The following DPYD variants were observed in gnomAD, a reference collection of about 807,000 sequenced individuals.
DPYD encodes dihydropyrimidine dehydrogenase [NADP(+)].
DPYD carries 109 observed loss-of-function variants against 116.2 expected under a neutral mutation model. The observed-to-expected ratio is 0.94, with a 90% CI of 0.80 to 1.10. The LOEUF is 1.10. DPYD is among the 50% of genes least tolerant of loss of function. The pLI is 0.00. For missense variants in DPYD, 1,302 were observed against 1,254.5 expected (o/e 1.04, Z -0.57); for synonymous variants, 440 against 432.0 (o/e 1.02, Z -0.23).
At chr1:97,758,060 G>C (rs1451802707) in intron 3 of DPYD, among the ~76,000 whole-genome samples, 1 of 152,032 alleles carries the variant, frequency 6.6e-6, no homozygotes, top group African/African-American at 2.4e-5. Flanking sequence ...TTCAGTCATA[G>C]GGCAATCAAA....
At chr1:97,885,149 C>T (rs949214620) in intron 1 of DPYD, among the ~76,000 whole-genome samples, 3 of 151,912 alleles carry the variant, frequency 2.0e-5, no homozygotes, top group African/African-American at 2.4e-5. Flanking sequence ...GAATGCAATT[C>T]CTACTAGATT....
At chr1:97,306,388 A>C in intron 16 of DPYD, 91 bp from the exon 17 acceptor site, 1 of 1,538,096 alleles carries the variant, frequency 6.5e-7, no homozygotes, top group East Asian at 2.3e-5. Flanking sequence ...GAGACGTGCA[A>C]GACAAATCCA....
intron 13 of DPYD, among the ~76,000 whole-genome samples, chr1:97,495,126 T>C (rs1679191543): frequency 6.6e-6 from 1 of 152,168 alleles, no homozygotes; most frequent in South Asian, 2.1e-4. Flanking sequence ...GCTTCTGTTA[T>C]TGTGTCTCCT....
At chr1:97,552,233 A>G (rs1651377006) in intron 11 of DPYD, among the ~76,000 whole-genome samples, 1 of 152,128 alleles carries the variant, frequency 6.6e-6, no homozygotes, top group Non-Finnish European at 1.5e-5. Context: ...CAGGCCTCAT[A>G]AAATTTGAAT....
At chr1:97,294,784 C>T (rs1033060759) in intron 18 of DPYD, among the ~76,000 whole-genome samples, 9 of 152,142 alleles carry the variant, frequency 5.9e-5, no homozygotes, top group African/African-American at 2.2e-4. Context: ...CTGAATGATG[C>T]CTCTCATTTT....
intron 1 of DPYD, chr1:97,883,803 G>T (rs747935763): frequency 4.5e-6 from 2 of 439,758 alleles, no homozygotes; most frequent in Admixed American, 3.0e-5. Context: ...CCTAAAGAAA[G>T]GGTTAGCCAG....
chr1:97,132,634 C>T (rs1653426202), intron 20 of DPYD, among the ~76,000 whole-genome samples: 1 of 152,062 alleles, frequency 6.6e-6, no homozygotes, highest in South Asian at 2.1e-4. Flanking sequence ...CTTCTTCCAT[C>T]TTTTTCATGT....
At chr1:97,775,535 T>C (rs919166060) in intron 3 of DPYD, among the ~76,000 whole-genome samples, 7 of 152,180 alleles carry the variant, frequency 4.6e-5, no homozygotes, top group African/African-American at 1.7e-4. Flanking sequence ...AACTCTTCTA[T>C]GACATCTCTG....
chr1:97,675,297 C>A (rs1660081096), intron 8 of DPYD, among the ~76,000 whole-genome samples: 1 of 152,136 alleles, frequency 6.6e-6, no homozygotes, highest in South Asian at 2.1e-4. Flanking sequence ...ACATGCTGTC[C>A]AGGTGCTCTG....
chr1:97,710,247 A>G (rs1264170153), intron 5 of DPYD, among the ~76,000 whole-genome samples: 1 of 151,824 alleles, frequency 6.6e-6, no homozygotes, highest in Admixed American at 6.6e-5. Context: ...AGAAATTGCT[A>G]TTTGTGCATC....
At chr1:97,636,624 AT>A (rs1366749671) in intron 8 of DPYD, among the ~76,000 whole-genome samples, 6 of 152,178 alleles carry the variant, frequency 3.9e-5, no homozygotes, top group African/African-American at 9.6e-5. Context: ...GTGAATTATC[AT>A]TTTTATAATT....
chr1:97,879,633 T>C (rs1292476702), intron 2 of DPYD, among the ~76,000 whole-genome samples: 1 of 151,932 alleles, frequency 6.6e-6, no homozygotes, highest in African/African-American at 2.4e-5. Flanking sequence ...GAATTTCCAA[T>C]TAGTACTAGA....
chr1:97,453,555 C>T (rs932545501), intron 13 of DPYD, among the ~76,000 whole-genome samples: 2 of 152,190 alleles, frequency 1.3e-5, no homozygotes, highest in Middle Eastern at 3.4e-3. Flanking sequence ...TTTACAGTAA[C>T]CTACTAATAA....
At chr1:97,726,451 C>T (rs1246545792) in intron 4 of DPYD, among the ~76,000 whole-genome samples, 1 of 151,456 alleles carries the variant, frequency 6.6e-6, no homozygotes, top group Non-Finnish European at 1.5e-5. Context: ...CTGCTGAAGC[C>T]CACTGATCTC....
chr1:97,726,965 C>A (rs137976818), intron 4 of DPYD, among the ~76,000 whole-genome samples: 217 of 151,716 alleles, frequency 1.4e-3, no homozygotes, highest in African/African-American at 4.8e-3. Context: ...TCTAATAATT[C>A]TTAACACTCT....
intron 1 of DPYD, among the ~76,000 whole-genome samples, chr1:97,914,079 T>C (rs1479923737): frequency 6.6e-6 from 1 of 152,110 alleles, no homozygotes; most frequent in African/African-American, 2.4e-5. Flanking sequence ...ACACAGATTG[T>C]CTCTTTAATT....
rs539666311 is a variant in DPYD, at chr1:97,494,180, A to C, written c.1740+21546T>G. ...ACCTGGTATACAGATAACTCTAAAAAAATTTAAAATGTTTTAATTTTTGTT... is the reference window on the plus strand; with the variant it reads ...ACCTGGTATACAGATAACTCTAAAACAATTTAAAATGTTTTAATTTTTGTT... On this transcript the variant is annotated intron_variant, in intron 13 of 22. Coordinates refer to ENST00000370192, the MANE Select transcript of DPYD (RefSeq NM_000110.4). Among the ~76,000 whole-genome samples, 42 of 152,284 alleles carry C rather than the reference A, an allele frequency of 2.8e-4. 2 individuals are homozygous for C. The highest frequency in any genetic ancestry group is 9.9e-4 in the African/African-American group (41 of 41,572).
chr1:97,326,523 G>A (rs963840272), intron 16 of DPYD, among the ~76,000 whole-genome samples: 5 of 151,846 alleles, frequency 3.3e-5, no homozygotes, highest in Non-Finnish European at 5.9e-5. Flanking sequence ...TAATACTAAG[G>A]TGCAGAATCC....
At chr1:97,579,923 G>C (rs946591838) in intron 10 of DPYD, among the ~76,000 whole-genome samples, 1 of 152,196 alleles carries the variant, frequency 6.6e-6, no homozygotes, top group Non-Finnish European at 1.5e-5. Context: ...ATTCAGGAAA[G>C]ATATGTGGCT....
Sources: allele counts gnomAD v4.1 joint callset (sites outside exome capture counted in the v4.1 genomes callset), GRCh38; gene constraint gnomAD v4.1.1; transcripts MANE v1.5; gene names NCBI Gene and HGNC (gene_info 2026-07-23, HGNC 2026-07-21).